Variants in ANKS1B observed in about 807,000 individuals in gnomAD.
The protein encoded by ANKS1B is ankyrin repeat and sterile alpha motif domain containing 1B, also known as ankyrin repeat and sterile alpha motif domain-containing protein 1B.
ANKS1B carries 36 observed loss-of-function variants against 148.3 expected under a neutral mutation model. That is an observed-to-expected ratio of 0.24 (90% confidence interval 0.19 to 0.32). The LOEUF (loss-of-function observed/expected upper bound fraction) is 0.32, where lower values mean the gene tolerates loss of function less well. ANKS1B is among the 10% of genes least tolerant of loss of function. The pLI is 1.00. For missense variants in ANKS1B, 1,157 were observed against 1,542.6 expected, an observed-to-expected ratio of 0.75 and a Z score of 4.19; for synonymous variants, 542 against 560.8, an observed-to-expected ratio of 0.97 and a Z score of 0.47.
intron 1 of ANKS1B, among the ~76,000 whole-genome samples, chr12:99,870,644 G>GT (rs2091393321): frequency 1.3e-5 from 2 of 152,086 alleles, no homozygotes. Flanking sequence ...ACTCATTGTG[G>GT]TTTTGATTTG....
At chr12:99,030,906 C>A (rs956796090) in intron 17 of ANKS1B, among the ~76,000 whole-genome samples, 23 of 152,182 alleles carry the variant, frequency 1.5e-4, no homozygotes, top group Non-Finnish European at 7.3e-5. Flanking sequence ...ATGTCTCTAA[C>A]TTCTGACTTC....
intron 15 of ANKS1B, among the ~76,000 whole-genome samples, chr12:99,087,069 A>G (rs1004855447): frequency 6.6e-6 from 1 of 152,178 alleles, no homozygotes; most frequent in East Asian, 1.9e-4. Flanking sequence ...AACATGTGGA[A>G]TGATGCAGAA....
chr12:99,378,590 G>C (rs2093490749), intron 12 of ANKS1B, among the ~76,000 whole-genome samples: 1 of 149,762 alleles, frequency 6.7e-6, no homozygotes, highest in African/African-American at 2.5e-5. Context: ...GGGAGGCGGA[G>C]GTTGCAGTGA....
chr12:99,825,264 A>G, intron 2 of ANKS1B, 45 bp downstream of exon 2: 1 of 1,493,170 alleles, frequency 6.7e-7, no homozygotes, highest in Non-Finnish European at 9.3e-7. Flanking sequence ...ACTTCATCAC[A>G]TGTAACTAAA....
chr12:99,254,759 TGTTCA>T (rs2075059086), intron 12 of ANKS1B, among the ~76,000 whole-genome samples: 1 of 152,238 alleles, frequency 6.6e-6, no homozygotes, highest in Non-Finnish European at 1.5e-5. Context: ...TTTCTGCATC[TGTTCA>T]GTTATGTAAT....
At position 98,751,635 on chromosome 12, in the gene ANKS1B, C is replaced by T; in HGVS notation, c.3580-113G>A. 1.0e-6 allele frequency: 1 copy of T among 964,358 alleles called. No individual in the cohort carries two copies. The highest frequency in any genetic ancestry group is 1.6e-6 in the Non-Finnish European group (1 of 625,512). 59.7% of individuals were successfully genotyped at this position (964,358 alleles called of 1,614,324 possible). A position where few individuals can be genotyped will look rare whatever the true frequency, so the allele number is the denominator to read the frequency against. On this transcript the variant is annotated intron_variant, in intron 25 of 26. Transcript: ENST00000683438. This position sits in a 1 kb window ranked among gnomAD's most constrained non-coding sequence, Gnocchi z 4.3. ...TAGGGAGGAACTTGAACTACTTCAC[C>T]AGAGGCAGCAGCGATTCGGTGGAAA...
rs2076747494 is a variant in ANKS1B at position 99,269,042 on chromosome 12, C to G, written c.1757-22178G>C. Among the ~76,000 whole-genome samples, 8 of 152,278 alleles carry G rather than the reference C, an allele frequency of 5.3e-5. No homozygotes were observed. The South Asian group carries it at 1.4e-3, about 28-fold the overall frequency. On this transcript the variant is annotated intron_variant, in intron 12 of 26. Transcript: ENST00000683438. ...AAAATCATTACAAATACACACAGCA[C>G]AATTCTAGTATTACTTTAAAATCAG...
intron 19 of ANKS1B, among the ~76,000 whole-genome samples, chr12:98,809,273 T>C (rs866004737): frequency 1.3e-5 from 2 of 152,216 alleles, no homozygotes; most frequent in South Asian, 4.1e-4. Context: ...TTCTTACCTT[T>C]CTAGCAAGTT....
chr12:98,975,787 T>TGA (rs771591770), intron 17 of ANKS1B, among the ~76,000 whole-genome samples: 33 of 150,248 alleles, frequency 2.2e-4, no homozygotes, highest in African/African-American at 7.1e-4. Flanking sequence ...ACACCTGCAG[T>TGA]GAGAGAGAGA....
At chr12:98,987,257 T>A (rs1362488905) in intron 17 of ANKS1B, among the ~76,000 whole-genome samples, 1 of 151,408 alleles carries the variant, frequency 6.6e-6, no homozygotes, top group Non-Finnish European at 1.5e-5. Flanking sequence ...GTCAAAATTG[T>A]GCTGATGAAC....
intron 9 of ANKS1B, among the ~76,000 whole-genome samples, chr12:99,544,473 T>G (rs974975977): frequency 1.3e-5 from 2 of 152,104 alleles, no homozygotes; most frequent in African/African-American, 4.8e-5. Context: ...ATCAGAATGA[T>G]AATATGTTTC....
chr12:99,236,433 T>G (rs568743196), intron 14 of ANKS1B, among the ~76,000 whole-genome samples: 31 of 152,096 alleles, frequency 2.0e-4, no homozygotes, highest in Non-Finnish European at 4.0e-4. Context: ...AAGGCACATC[T>G]TACATGGCAG....
intron 22 of ANKS1B, among the ~76,000 whole-genome samples, chr12:98,786,065 T>C (rs555853594): frequency 1.1e-4 from 16 of 152,288 alleles, no homozygotes; most frequent in Admixed American, 5.9e-4. Flanking sequence ...TCTGAGTACA[T>C]AAGCAGATAA....
Position 99,299,439 on chromosome 12 carries a change from A to G in ANKS1B, c.1757-52575T>C, listed in dbSNP as rs540066558. On this transcript the variant is annotated intron_variant, in intron 12 of 26. Coordinates refer to ENST00000683438, the MANE Select transcript of ANKS1B (RefSeq NM_001352186.2). The stretch of plus-strand genomic sequence containing the variant: ...GATGTCAATATCATGAAATAAAGGC[A>G]TACTTTTCATAGCAAACCTTTCCAT... 2.6e-5 allele frequency among the ~76,000 whole-genome samples: 4 copies of G among 152,304 alleles called. No individual in the cohort carries two copies. In the South Asian group the frequency reaches 8.3e-4, roughly 32 times the overall value.
intron 1 of ANKS1B, among the ~76,000 whole-genome samples, chr12:99,825,954 C>CTATGCAA (rs2083130095): frequency 6.6e-6 from 1 of 152,098 alleles, no homozygotes; most frequent in Non-Finnish European, 1.5e-5. Flanking sequence ...AACAATTTTG[C>CTATGCAA]AGTCATCATT....
intron 12 of ANKS1B, among the ~76,000 whole-genome samples, chr12:99,299,558 G>T (rs1467778920): frequency 6.6e-6 from 1 of 151,778 alleles, no homozygotes; most frequent in Non-Finnish European, 1.5e-5. Flanking sequence ...ATGTTTCTTA[G>T]TCCTAAGCTT....
At chr12:99,470,232 C>A (rs1013764396) in intron 10 of ANKS1B, among the ~76,000 whole-genome samples, 1 of 152,012 alleles carries the variant, frequency 6.6e-6, no homozygotes, top group African/African-American at 2.4e-5. Flanking sequence ...GTCTTATTTT[C>A]ATTATGGTAT....
At chr12:99,012,403 T>C (rs1316547674) in intron 17 of ANKS1B, among the ~76,000 whole-genome samples, 1 of 152,240 alleles carries the variant, frequency 6.6e-6, no homozygotes, top group Non-Finnish European at 1.5e-5. Flanking sequence ...ATCTGTGTGA[T>C]GCTATAGTTT....
intron 9 of ANKS1B, among the ~76,000 whole-genome samples, chr12:99,526,359 A>G (rs1189051635): frequency 6.6e-6 from 1 of 152,208 alleles, no homozygotes; most frequent in East Asian, 1.9e-4. Flanking sequence ...GGTGGGATTG[A>G]TAAACTACCA....
Sources: allele counts gnomAD v4.1 joint callset (sites outside exome capture counted in the v4.1 genomes callset), GRCh38; gene constraint gnomAD v4.1.1; non-coding constraint Gnocchi (gnomAD v3.1); transcripts MANE v1.5; gene names NCBI Gene and HGNC (gene_info 2026-07-23, HGNC 2026-07-21).